Variants in GALNT1 observed in about 807,000 individuals in gnomAD.
The protein encoded by GALNT1 is GalNAc transferase 1.
Under a neutral mutation model 65.7 loss-of-function variants are expected in GALNT1, and 17 were observed. The ratio of observed to expected loss-of-function variants is 0.26; its 90% CI spans 0.18 to 0.39. The LOEUF is 0.39. GALNT1 is among the 10% of genes least tolerant of loss of function. The pLI is 1.00. For synonymous variants in GALNT1, 210 were observed against 219.7 expected (o/e 0.96, Z 0.39); for missense variants, 460 against 672.8 (o/e 0.68, Z 3.50).
chr18:35,590,820 G>A (rs2046434728), intron 1 of GALNT1, among the ~76,000 whole-genome samples: 2 of 152,222 alleles, frequency 1.3e-5, no homozygotes, highest in African/African-American at 4.8e-5. Context: ...CACTGTCATA[G>A]TGGAGAGGCC....
chr18:35,633,244 CAT>C (rs1392891757), intron 1 of GALNT1, among the ~76,000 whole-genome samples: 1 of 152,132 alleles, frequency 6.6e-6, no homozygotes, highest in African/African-American at 2.4e-5. Flanking sequence ...CACATGCACA[CAT>C]ATGTTTATTG....
At chr18:35,647,029 C>G (rs538843313) in intron 1 of GALNT1, among the ~76,000 whole-genome samples, 1 of 152,194 alleles carries the variant, frequency 6.6e-6, no homozygotes, top group African/African-American at 2.4e-5. Flanking sequence ...TTTGTCCCAT[C>G]GTATCTCTTG....
At position 35,689,093 on chromosome 18, in the gene GALNT1, T is replaced by C. The variant is rs969153565; in HGVS notation, c.861-80T>C. ...GTACTTACTCAGTAGTTATAAATAG[T>C]TATGAAACAGCTTTTAAAAACAAAA... is the stretch of plus-strand genomic sequence containing the variant. On this transcript the variant is annotated intron_variant, in intron 6 of 11. Transcript: ENST00000269195. 18 of 883,362 alleles carry C rather than the reference T, an allele frequency of 2.0e-5. No individual in the cohort carries two copies. In the African/African-American group the frequency reaches 2.8e-4, roughly 14 times the overall value. 54.7% of individuals were successfully genotyped at this position (883,362 alleles called of 1,614,324 possible).
chr18:35,618,924 A>G (rs2046817891), intron 1 of GALNT1, among the ~76,000 whole-genome samples: 1 of 152,224 alleles, frequency 6.6e-6, no homozygotes, highest in African/African-American at 2.4e-5. Flanking sequence ...ATAGCTTTTC[A>G]CAGGAAAATC....
rs1252419127 is a variant in GALNT1, at chr18:35,663,513, CAGAA to C, written c.140-112_140-109del. On this transcript the variant is annotated intron_variant, in intron 2 of 11. Coordinates refer to ENST00000269195, the MANE Select transcript of GALNT1 (RefSeq NM_020474.4). ...TTAACAGCCTAGGAGAGGGTGGGCT[CAGAA>C]AGGGTTCTGGTTGTTGAGGGCACAG... 1.9e-5 allele frequency: 20 copies of C among 1,076,160 alleles called. No individual in the cohort carries two copies. The East Asian group carries it at 3.6e-4, about 19-fold the overall frequency. The allele number at this position is 1,076,160 out of a possible 1,614,324, so 66.7% of individuals were successfully genotyped here. A position where few individuals can be genotyped will look rare whatever the true frequency, so the allele number is the denominator to read the frequency against.
intron 2 of GALNT1, among the ~76,000 whole-genome samples, chr18:35,657,867 A>G (rs1379138639): frequency 1.3e-5 from 2 of 152,178 alleles, no homozygotes; most frequent in African/African-American, 4.8e-5. Flanking sequence ...CAAGAGAGAA[A>G]TGGAGCCGAA....
At chr18:35,599,050 A>G (rs984512880) in intron 1 of GALNT1, among the ~76,000 whole-genome samples, 26 of 147,074 alleles carry the variant, frequency 1.8e-4, no homozygotes, top group Non-Finnish European at 3.1e-4. Context: ...TTTTATTGAA[A>G]TCTTTAGCCC....
intron 2 of GALNT1, among the ~76,000 whole-genome samples, chr18:35,661,703 G>A (rs181577881): frequency 6.6e-6 from 1 of 151,958 alleles, no homozygotes; most frequent in African/African-American, 2.4e-5. Context: ...CCCTTTAATG[G>A]TGCATGCCAT....
intron 1 of GALNT1, among the ~76,000 whole-genome samples, chr18:35,582,443 C>A (rs763477557): frequency 1.3e-5 from 2 of 152,172 alleles, no homozygotes; most frequent in Non-Finnish European, 2.9e-5. Flanking sequence ...AAGCATTTAC[C>A]AGGAATTGGG....
chr18:35,597,981 T>C (rs574580391), intron 1 of GALNT1, among the ~76,000 whole-genome samples: 1 of 141,304 alleles, frequency 7.1e-6, no homozygotes, highest in African/African-American at 2.6e-5. Flanking sequence ...CAATAGCTTT[T>C]CATCTAACTC....
intron 1 of GALNT1, among the ~76,000 whole-genome samples, chr18:35,591,307 G>A (rs1169932277): frequency 6.6e-6 from 1 of 152,202 alleles, no homozygotes; most frequent in Non-Finnish European, 1.5e-5. Flanking sequence ...GCCCTATGCT[G>A]TGGTAATAGT....
intron 3 of GALNT1, among the ~76,000 whole-genome samples, chr18:35,669,204 G>A (rs974017528): frequency 4.0e-5 from 6 of 149,686 alleles, no homozygotes; most frequent in Non-Finnish European, 8.9e-5. Flanking sequence ...TCACACCACT[G>A]CACTCCAGCC....
In GALNT1 at chr18:35,702,962, A is replaced by C. The variant is rs2048190070; in HGVS notation, c.1365A>C (p.Gly455=). The C allele has an allele frequency of 6.2e-7, 1 of 1,611,164 alleles. No individual in the cohort carries two copies. The highest frequency in any genetic ancestry group is 1.3e-5 in the African/African-American group (1 of 74,826). The part of the protein sequence containing the change: ...NMARKENEKV[G]IFNCHGMGGN... The stretch of plus-strand genomic sequence containing the variant: ...CTAGAAAAGAGAATGAAAAAGTTGG[A>C]ATTTTTAATTGCCATGGTATGGGGG... The change falls in exon 10 of 12, where the codon GGA becomes GGC. Residue 455 remains glycine (G), a synonymous_variant. Coordinates refer to ENST00000269195, the MANE Select transcript of GALNT1 (RefSeq NM_020474.4).
At chr18:35,659,218 T>C (rs1598798053) in intron 2 of GALNT1, among the ~76,000 whole-genome samples, 1 of 152,170 alleles carries the variant, frequency 6.6e-6, no homozygotes, top group African/African-American at 2.4e-5. Flanking sequence ...GTGAAAAAAG[T>C]TTTCCTAGGT....
intron 1 of GALNT1, among the ~76,000 whole-genome samples, chr18:35,598,014 CT>C (rs1568012955): frequency 4.9e-4 from 34 of 68,812 alleles, no homozygotes; most frequent in Admixed American, 6.6e-4. Context: ...CTCCCCTCCC[CT>C]CCCCTCCAAT....
intron 1 of GALNT1, among the ~76,000 whole-genome samples, chr18:35,603,774 C>T (rs1023154284): frequency 1.3e-5 from 2 of 152,088 alleles, no homozygotes; most frequent in East Asian, 3.9e-4. Context: ...ACTTTGCCCT[C>T]CCCTGGAACT....
chr18:35,630,782 A>T (rs974928924), intron 1 of GALNT1, among the ~76,000 whole-genome samples: 1 of 152,212 alleles, frequency 6.6e-6, no homozygotes, highest in African/African-American at 2.4e-5. Flanking sequence ...TTTTGAAAAG[A>T]TCAACAAAAT....
At chr18:35,599,014 ACGTG>A (rs1271951234) in intron 1 of GALNT1, among the ~76,000 whole-genome samples, 1 of 117,526 alleles carries the variant, frequency 8.5e-6, no homozygotes, top group Non-Finnish European at 1.8e-5. Flanking sequence ...TTTTTCATGT[ACGTG>A]TTGGCTATTT....
chr18:35,607,776 C>G (rs2046670124), intron 1 of GALNT1, among the ~76,000 whole-genome samples: 1 of 152,116 alleles, frequency 6.6e-6, no homozygotes, highest in Non-Finnish European at 1.5e-5. Context: ...TTTTTAGACA[C>G]CTATGTGAAG....
Sources: gnomAD v4.1 joint callset for allele counts (sites outside exome capture counted in the v4.1 genomes callset) on GRCh38, gnomAD v4.1.1 for gene constraint, MANE v1.5 for transcripts, NCBI Gene and HGNC (gene_info 2026-07-23, HGNC 2026-07-21) for gene names.